Variants in DACH2 observed in about 807,000 individuals in gnomAD.
The protein encoded by DACH2 is dachshund family transcription factor 2.
A neutral mutation model predicts 35.8 loss-of-function variants in DACH2; 17 were observed. That is an observed-to-expected ratio of 0.48 (90% CI 0.33 to 0.71). DACH2 has a LOEUF of 0.71. Among genes scored for constraint, DACH2 ranks in the 30% least tolerant of loss-of-function variants. The pLI, the probability that DACH2 is intolerant of heterozygous loss-of-function variation, is 0.02. For missense variants in DACH2, 469 were observed against 472.7 expected, an observed-to-expected ratio of 0.99 and a Z score of 0.07; for synonymous variants, 195 against 177.3, an observed-to-expected ratio of 1.10 and a Z score of -0.79.
At chrX:86,575,464 G>T (rs1312096539) in intron 3 of DACH2, among the ~76,000 whole-genome samples, 1 of 110,995 alleles carries the variant, frequency 9.0e-6, no homozygotes, top group Non-Finnish European at 1.9e-5. Context: ...GCCTAAGAAG[G>T]TGATTTAACA....
intron 2 of DACH2, among the ~76,000 whole-genome samples, chrX:86,413,585 C>T (rs1376863107): frequency 8.9e-6 from 1 of 111,736 alleles, no homozygotes; most frequent in Non-Finnish European, 1.9e-5. Context: ...AATCACCACC[C>T]CTGTTTCTTT....
rs757135090 is a variant in DACH2 at position 86,229,719 on chromosome X, T to C, written c.488+80611T>C. ...GTATATTCCTAAGTATTTTTTTTTT[T>C]TTTGCAGCTATTGTGAAAGGGGTTG... On this transcript the variant is annotated intron_variant, in intron 1 of 11. Coordinates refer to ENST00000373125, the MANE Select transcript of DACH2 (RefSeq NM_053281.3). Among the ~76,000 whole-genome samples, 6 of 109,859 alleles carry C rather than the reference T, an allele frequency of 5.5e-5. No homozygotes were observed. The South Asian group carries it at 2.3e-3, about 43-fold the overall frequency.
intron 1 of DACH2, among the ~76,000 whole-genome samples, chrX:86,310,881 A>C (rs894885738): frequency 9.0e-6 from 1 of 110,995 alleles, no homozygotes; most frequent in Non-Finnish European, 1.9e-5. Flanking sequence ...TCTGGACACC[A>C]CTCAGCCTCT....
intron 3 of DACH2, among the ~76,000 whole-genome samples, chrX:86,629,092 C>T (rs1365634605): frequency 8.9e-6 from 1 of 111,884 alleles, no homozygotes; most frequent in African/African-American, 3.2e-5. Flanking sequence ...GTTTTCTACA[C>T]AGACAGAACT....
intron 1 of DACH2, among the ~76,000 whole-genome samples, chrX:86,307,917 G>A: frequency 8.9e-6 from 1 of 111,944 alleles, no homozygotes; most frequent in Non-Finnish European, 1.9e-5. Context: ...GGCCCACTAA[G>A]TAGGGACTCT....
chrX:86,498,057 A>C (rs988986926), intron 2 of DACH2, among the ~76,000 whole-genome samples: 2 of 111,391 alleles, frequency 1.8e-5, no homozygotes, highest in Admixed American at 1.9e-4. Flanking sequence ...AAGGAGAAGA[A>C]GTCAAGGAGG....
intron 2 of DACH2, among the ~76,000 whole-genome samples, chrX:86,385,575 G>C (rs1246931851): frequency 9.0e-6 from 1 of 111,647 alleles, no homozygotes; most frequent in Admixed American, 9.5e-5. Flanking sequence ...ATGGGCACAG[G>C]TTAAATGCAA....
rs751535867 is a variant in DACH2, at chrX:86,787,410, T to A, written c.1241-25446T>A. ...CAAGGAGGTTGGATCACCTGAGGAG[T>A]TTGAGACCAGCCTGGCTAACATGGC... On this transcript the variant is annotated intron_variant, in intron 7 of 11. Coordinates refer to ENST00000373125, the MANE Select transcript of DACH2 (RefSeq NM_053281.3). Among the ~76,000 whole-genome samples, 11 of 108,340 alleles carry A rather than the reference T, an allele frequency of 1.0e-4. No homozygotes were observed. In the East Asian group the frequency reaches 3.2e-3, roughly 32 times the overall value. The allele number at this position is 108,340 out of a possible 115,157, so 94.1% of individuals were successfully genotyped here.
chrX:86,460,272 C>T (rs986294963), intron 2 of DACH2, among the ~76,000 whole-genome samples: 9 of 110,496 alleles, frequency 8.1e-5, no homozygotes, highest in Non-Finnish European at 1.5e-4. Context: ...AGTATAGAAT[C>T]CTCTTTTATC....
intron 3 of DACH2, among the ~76,000 whole-genome samples, chrX:86,616,583 C>T (rs934212810): frequency 1.3e-4 from 15 of 111,934 alleles, no homozygotes; most frequent in Non-Finnish European, 2.3e-4. Flanking sequence ...AGTGTCTGCT[C>T]ATGTCCTTTG....
chrX:86,643,528 A>C (rs775928969), intron 3 of DACH2, among the ~76,000 whole-genome samples: 2 of 111,350 alleles, frequency 1.8e-5, no homozygotes, highest in Non-Finnish European at 3.8e-5. Context: ...ATTCTACCAG[A>C]TGTACAAAGA....
chrX:86,307,815 A>T (rs1295799322), intron 1 of DACH2, among the ~76,000 whole-genome samples: 1 of 111,545 alleles, frequency 9.0e-6, no homozygotes, highest in East Asian at 2.8e-4. Flanking sequence ...CATAAACAGA[A>T]ATCTGGAGAA....
At chrX:86,801,266 C>G (rs1361633653) in intron 7 of DACH2, among the ~76,000 whole-genome samples, 1 of 108,695 alleles carries the variant, frequency 9.2e-6, no homozygotes, top group African/African-American at 3.4e-5. Flanking sequence ...ATTGCCCACG[C>G]TGGAGTGCAG....
At chrX:86,814,881 C>G (rs767452219) in intron 10 of DACH2, 47 bp downstream of exon 10, 1 of 1,118,942 alleles carries the variant, frequency 8.9e-7, no homozygotes, top group South Asian at 2.2e-5. Flanking sequence ...CAAAGCAAAA[C>G]TGATTGAAGA....
At chrX:86,761,674 A>T (rs1011501638) in intron 7 of DACH2, among the ~76,000 whole-genome samples, 1 of 112,023 alleles carries the variant, frequency 8.9e-6, no homozygotes, top group South Asian at 3.7e-4. Context: ...TAGACTGGAT[A>T]AAGAAAATCC....
At chrX:86,711,348 C>T (rs1469403445) in intron 5 of DACH2, among the ~76,000 whole-genome samples, 1 of 111,415 alleles carries the variant, frequency 9.0e-6, no homozygotes, top group Admixed American at 9.5e-5. Flanking sequence ...TGCACTTCAG[C>T]CTGGATGACA....
At chrX:86,194,515 G>A (rs758637148) in intron 1 of DACH2, among the ~76,000 whole-genome samples, 47 of 111,967 alleles carry the variant, frequency 4.2e-4, no homozygotes, top group African/African-American at 1.4e-3. Context: ...TGGAAACCCT[G>A]CACCAGGCTA....
chrX:86,736,604 T>C (rs2041599243), intron 6 of DACH2, among the ~76,000 whole-genome samples: 1 of 111,496 alleles, frequency 9.0e-6, no homozygotes, highest in African/African-American at 3.3e-5. Context: ...TTTTATTTAC[T>C]CATAATGAGC....
At chrX:86,320,374 T>C (rs2034993390) in intron 1 of DACH2, among the ~76,000 whole-genome samples, 1 of 112,348 alleles carries the variant, frequency 8.9e-6, no homozygotes, top group Non-Finnish European at 1.9e-5. Flanking sequence ...ACAGTGATTC[T>C]TACCATTTTT....
Sources: gnomAD v4.1 joint callset for allele counts (sites outside exome capture counted in the v4.1 genomes callset) on GRCh38, gnomAD v4.1.1 for gene constraint, MANE v1.5 for transcripts, NCBI Gene and HGNC (gene_info 2026-07-23, HGNC 2026-07-21) for gene names.